Variants in DLGAP2 observed in about 807,000 individuals in gnomAD.
The protein encoded by DLGAP2 is disks large-associated protein 2.
Under a neutral mutation model 100.3 loss-of-function variants are expected in DLGAP2, and 26 were observed. The ratio of observed to expected loss-of-function variants is 0.26; its 90% confidence interval spans 0.19 to 0.36. The LOEUF is 0.36. Ranked by LOEUF, DLGAP2 falls within the 10% of genes least tolerant of loss-of-function variation. The pLI, the probability that DLGAP2 is intolerant of heterozygous loss-of-function variation, is 1.00. For synonymous variants in DLGAP2, 886 were observed against 630.1 expected (o/e 1.41, Z -6.08); for missense variants, 1,858 against 1,453.2 (o/e 1.28, Z -4.53).
chr8:903,179 C>T (rs1210965776), intron 1 of DLGAP2, among the ~76,000 whole-genome samples: 1 of 151,740 alleles, frequency 6.6e-6, no homozygotes, highest in Non-Finnish European at 1.5e-5. Flanking sequence ...ACGTTTTTAT[C>T]CTTTGCTTTC....
At chr8:1,294,868 C>CAAA (rs1167753590) in intron 3 of DLGAP2, among the ~76,000 whole-genome samples, 1 of 130,202 alleles carries the variant, frequency 7.7e-6, no homozygotes. Flanking sequence ...GATCTTGTCT[C>CAAA]AAAACAAAAA....
intron 1 of DLGAP2, among the ~76,000 whole-genome samples, chr8:806,924 C>T (rs573606413): frequency 3.4e-4 from 52 of 152,300 alleles, no homozygotes; most frequent in Admixed American, 1.4e-3. Context: ...CCTTGATAAC[C>T]GCACTGTGTG....
chr8:1,478,226 G>A (rs1798989514), intron 3 of DLGAP2, among the ~76,000 whole-genome samples: 1 of 152,150 alleles, frequency 6.6e-6, no homozygotes, highest in South Asian at 2.1e-4. Context: ...CCTTCAGACT[G>A]GGACACTGGT....
chr8:1,663,653 C>T (rs1585043470), intron 8 of DLGAP2, among the ~76,000 whole-genome samples: 2 of 152,094 alleles, frequency 1.3e-5, no homozygotes, highest in South Asian at 4.1e-4. Flanking sequence ...TGGTTAACTT[C>T]GACTCACAGG....
chr8:1,586,379 A>G (rs1796119579), intron 6 of DLGAP2, among the ~76,000 whole-genome samples: 1 of 152,232 alleles, frequency 6.6e-6, no homozygotes. Flanking sequence ...CTGCATCTTC[A>G]GAGCCAGCTG....
chr8:1,281,925 T>C (rs1329045588), intron 3 of DLGAP2, among the ~76,000 whole-genome samples: 2 of 152,244 alleles, frequency 1.3e-5, no homozygotes, highest in Admixed American at 1.3e-4. Flanking sequence ...TGTCAGTTAT[T>C]GCCGATGAAT....
intron 2 of DLGAP2, among the ~76,000 whole-genome samples, chr8:1,235,366 G>T (rs1304141899): frequency 6.7e-6 from 1 of 149,172 alleles, no homozygotes; most frequent in Non-Finnish European, 1.5e-5. Context: ...GTGGCGTCGT[G>T]TCTAGTTCCC....
chr8:1,033,679 A>T (rs1802036894), intron 2 of DLGAP2, among the ~76,000 whole-genome samples: 1 of 151,806 alleles, frequency 6.6e-6, no homozygotes, highest in Non-Finnish European at 1.5e-5. Flanking sequence ...CAAGTTAGGG[A>T]ATGAGAACCG....
chr8:818,692 CTG>C (rs1280026337), intron 1 of DLGAP2, among the ~76,000 whole-genome samples: 2 of 152,120 alleles, frequency 1.3e-5, no homozygotes, highest in African/African-American at 4.8e-5. Flanking sequence ...CATGTGCAAA[CTG>C]TGCTGAGAAT....
intron 2 of DLGAP2, among the ~76,000 whole-genome samples, chr8:1,112,929 C>A (rs546275266): frequency 1.4e-4 from 21 of 152,282 alleles, no homozygotes; most frequent in African/African-American, 3.6e-4. Flanking sequence ...TATGACTAGC[C>A]GGTTATCCCA....
chr8:1,456,664 GAGACCGATTGTTGA>G (rs553625889), intron 3 of DLGAP2, among the ~76,000 whole-genome samples: 5 of 151,940 alleles, frequency 3.3e-5, no homozygotes, highest in African/African-American at 1.2e-4. Flanking sequence ...AAAATAAAAT[GAGACCGATTGTTGA>G]AGAGTTGTCT....
intron 3 of DLGAP2, among the ~76,000 whole-genome samples, chr8:1,429,432 T>C (rs1381385384): frequency 6.6e-6 from 1 of 152,164 alleles, no homozygotes; most frequent in East Asian, 1.9e-4. Flanking sequence ...GATTGTGTCT[T>C]GTTCATTGCT....
At chr8:1,184,730 G>T (rs1183692673) in intron 2 of DLGAP2, among the ~76,000 whole-genome samples, 1 of 152,334 alleles carries the variant, frequency 6.6e-6, no homozygotes, top group East Asian at 1.9e-4. Flanking sequence ...TGTAGCCTGG[G>T]AGGAGGGTGA....
At chr8:946,947 G>T (rs34113545) in intron 2 of DLGAP2, among the ~76,000 whole-genome samples, 22,065 of 152,204 alleles carry the variant, frequency 0.14, 2,025 homozygotes, top group Non-Finnish European at 0.2. Flanking sequence ...CCGGGGTTGC[G>T]CACCGGGCGA....
chr8:771,474 G>A (rs113097018), intron 1 of DLGAP2, among the ~76,000 whole-genome samples: 23 of 152,322 alleles, frequency 1.5e-4, no homozygotes, highest in African/African-American at 2.2e-4. Flanking sequence ...TGCACTAGCC[G>A]GGTCTAAGGC....
At chr8:1,093,134 C>G (rs1052181469) in intron 2 of DLGAP2, among the ~76,000 whole-genome samples, 2 of 152,212 alleles carry the variant, frequency 1.3e-5, no homozygotes, top group African/African-American at 4.8e-5. Flanking sequence ...CTCCAGCAGA[C>G]TGGGTGAGGC....
rs114591852 is a variant in DLGAP2, at chr8:1,587,040, C to T, written c.1442+21146C>T. Among the ~76,000 whole-genome samples the T allele has an allele frequency of 3.2e-3, 480 of 152,230 alleles. 4 individuals are homozygous for T. Among genetic ancestry groups the T allele is most frequent in the African/African-American group, 0.011 (459 of 41,534 alleles). ...AACCCCTGCCTCTGGAAAGTCCTAG[C>T]GGGAGGGGCAAGGATCCCACAGACA... On this transcript the variant is annotated intron_variant, in intron 6 of 14. Transcript: ENST00000637795.
intron 3 of DLGAP2, among the ~76,000 whole-genome samples, chr8:1,370,778 C>T (rs2129704528): frequency 6.6e-6 from 1 of 152,308 alleles, no homozygotes; most frequent in East Asian, 1.9e-4. Context: ...TGAGGGTTAC[C>T]ACTGCCTGGC....
At chr8:968,157 G>A (rs1255465743) in intron 2 of DLGAP2, among the ~76,000 whole-genome samples, 1 of 151,854 alleles carries the variant, frequency 6.6e-6, no homozygotes, top group East Asian at 1.9e-4. Context: ...TGTGACTTCT[G>A]TTTATGTTGT....
Sources: allele counts gnomAD v4.1 joint callset (sites outside exome capture counted in the v4.1 genomes callset), GRCh38; gene constraint gnomAD v4.1.1; transcripts MANE v1.5; gene names NCBI Gene and HGNC (gene_info 2026-07-23, HGNC 2026-07-21).